Variants in ABHD14B observed in about 807,000 individuals in gnomAD.
The protein encoded by ABHD14B is putative protein-lysine deacylase ABHD14B.
In ABHD14B, 19 loss-of-function variants were observed where a neutral mutation model predicts 15.4. The observed-to-expected ratio is 1.23, with a 90% CI of 0.86 to 1.81. The LOEUF is 1.81. Among genes scored for constraint, ABHD14B ranks in the 40% most tolerant of loss-of-function variants. ABHD14B has a pLI of 0.00. For synonymous variants in ABHD14B, 92 were observed against 117.3 expected (o/e 0.78, Z 1.39); for missense variants, 243 against 267.0 (o/e 0.91, Z 0.63).
chr3:51,971,833 G>GC, intron 1 of ABHD14B, 135 bp from the exon 2 acceptor site: 1 of 1,394,768 alleles, frequency 7.2e-7, no homozygotes, highest in Non-Finnish European at 9.3e-7. Flanking sequence ...GAGGACATAG[G>GC]TGTTATTTCT....
In ABHD14B at chr3:51,969,542, T is replaced by A. The variant is rs761207927; in HGVS notation, c.517A>T (p.Lys173Ter). The A allele has an allele frequency of 5.6e-6, 9 of 1,613,782 alleles. No individual in the cohort carries two copies. The highest frequency in any genetic ancestry group is 7.6e-6 in the Non-Finnish European group (9 of 1,179,950). ...AGCACCCGGTGGTTGGGCAGCTGCT[T>A]CAGGTGCTCAAAGCTGGTCTGACCC... Reference protein sequence around the residue: ...PMGQTSFEHLKQLPNHRVLIM... With the variant: ...PMGQTSFEHL The change falls in exon 4 of 4, where the codon AAG (lysine) becomes TAG (stop). Residue 173 changes from lysine (K) to a stop codon, truncating the protein, a stop_gained. Transcript: ENST00000361143. LOFTEE classifies it high-confidence loss of function.
At chr3:51,973,239 A>C (rs1577711257) in intron 1 of ABHD14B, among the ~76,000 whole-genome samples, 1 of 147,808 alleles carries the variant, frequency 6.8e-6, no homozygotes, top group African/African-American at 2.5e-5. Context: ...TTTAGTACAG[A>C]CGGGGTTTCG....
Position 51,971,619 on chromosome 3 carries a change from C to A in ABHD14B, c.52G>T (p.Ala18Ser). The change falls in exon 2 of 4, where the codon GCC becomes TCC. Residue 18 changes from alanine to serine, a missense_variant. Ala to Ser is a moderately conservative substitution (Grantham distance 99). Transcript: ENST00000361143. The part of the protein sequence containing the change: ...REGTIQVQGQ[A>S]LFFREALPGS... The stretch of plus-strand genomic sequence containing the variant: ...GGCAGGGCCTCTCGGAAGAAGAGGG[C>A]CTGGCCCTGCACCTGGATGGTGCCC... 1 of 1,613,210 alleles carries A rather than the reference C, an allele frequency of 6.2e-7. No homozygotes were observed. The highest frequency in any genetic ancestry group is 2.2e-5 in the East Asian group (1 of 44,866).
chr3:51,973,545 T>A (rs1323932065), intron 1 of ABHD14B: 1 of 170,178 alleles, frequency 5.9e-6, no homozygotes, highest in Non-Finnish European at 1.3e-5. Context: ...AGAGAAGATG[T>A]CTCGCTCTGT....
chr3:51,969,471 C>G lies in ABHD14B; in HGVS notation c.588G>C (p.Glu196Asp). 2 of 1,613,920 alleles carry G rather than the reference C, an allele frequency of 1.2e-6. No individual in the cohort carries two copies. Among genetic ancestry groups the G allele is most frequent in the Middle Eastern group, 3.3e-4 (2 of 6,036 alleles). Residue 196 changes from glutamate to aspartate, a missense_variant, in exon 4 of 4, where the codon GAG (glutamate) becomes GAC (aspartate). Physicochemically the swap from Glu to Asp is conservative, Grantham distance 45. Transcript: ENST00000361143. ...AGHPCYLDKP[E>D]EWHTGLLDFL... ...AGTCCAGCAGCCCTGTATGCCACTCCTCTGGTTTGTCCAGGTAACAGGGGT... is the reference window on the plus strand; with the variant it reads ...AGTCCAGCAGCCCTGTATGCCACTCGTCTGGTTTGTCCAGGTAACAGGGGT...
At chr3:51,974,120 C>A, upstream of ABHD14B, 1 of 1,145,492 alleles carries the variant, frequency 8.7e-7, no homozygotes, top group Admixed American at 2.6e-5. Flanking sequence ...CACAAGCTCG[C>A]AGCGTCCATA....
upstream of ABHD14B, chr3:51,974,070 G>A (rs1366655852): frequency 1.6e-6 from 2 of 1,285,486 alleles, no homozygotes; most frequent in Non-Finnish European, 1.0e-6. Context: ...ATCCAGCGGG[G>A]GCGGGGACTG....
At chr3:51,974,265 G>A (rs533999261), upstream of ABHD14B, 100 of 350,924 alleles carry the variant, frequency 2.8e-4, no homozygotes, top group African/African-American at 2.1e-3. Context: ...GCAGTCTGAG[G>A]AGGAAAGTTC....
At chr3:51,969,837 T>C in intron 3 of ABHD14B, 106 bp downstream of exon 3, 2 of 1,594,158 alleles carry the variant, frequency 1.3e-6, no homozygotes, top group Non-Finnish European at 1.7e-6. Context: ...GGTCAGCTCC[T>C]CCCAGAAGAC....
Position 51,970,105 on chromosome 3 carries a change from C to T in ABHD14B, c.291G>A (p.Val97=), listed in dbSNP as rs1193701763. The change falls in exon 3 of 4, where the codon GTG becomes GTA. Residue 97 remains valine (V), a synonymous_variant. Coordinates refer to ENST00000361143, the MANE Select transcript of ABHD14B (RefSeq NM_001146314.2). ...LAPGSFLAAV[V]DALELGPPVV... ...CCGGGGGGCCCAGCTCCAAGGCATC[C>T]ACCACAGCCGCCAGGAAGCTGCCAG... 2.5e-6 allele frequency: 4 copies of T among 1,589,850 alleles called. No individual in the cohort carries two copies. The highest frequency in any genetic ancestry group is 2.2e-5 in the East Asian group (1 of 44,704).
In ABHD14B at chr3:51,971,575, G is replaced by T; in HGVS notation, c.96C>A (p.Arg32=). Residue 32 remains arginine, a synonymous_variant, in exon 2 of 4, where the codon CGC becomes CGA. Transcript: ENST00000361143. ...TACCATGCAGCAGCAGTACAGAGAA[G>T]CGAGCCTGCCCACTGCCGGGCAGGG... ...REALPGSGQA[R]FSVLLLHGIR... 3.7e-6 allele frequency: 6 copies of T among 1,613,640 alleles called. No homozygotes were observed. Among genetic ancestry groups the T allele is most frequent in the Non-Finnish European group, 1.7e-6 (2 of 1,179,972 alleles).
In ABHD14B at chr3:51,969,503, C is replaced by T. The variant is rs774537719; in HGVS notation, c.556G>A (p.Ala186Thr). 2.5e-6 allele frequency: 4 copies of T among 1,614,000 alleles called. No individual in the cohort carries two copies. The highest frequency in any genetic ancestry group is 3.4e-6 in the Non-Finnish European group (4 of 1,180,004). ...TTGTCCAGGTAACAGGGGTGCCCCG[C>T]CCCCTTCATGATCAGCACCCGGTGG... Reference protein sequence around the residue: ...PNHRVLIMKGAGHPCYLDKPE... With the variant: ...PNHRVLIMKGTGHPCYLDKPE... Residue 186 changes from alanine (A) to threonine (T), a missense_variant, in exon 4 of 4, where the codon GCG becomes ACG. Transcript: ENST00000361143.
chr3:51,969,755 G>T, intron 3 of ABHD14B, 150 bp from the exon 4 acceptor site: 1 of 1,390,066 alleles, frequency 7.2e-7, no homozygotes. Flanking sequence ...ATTGGTGTCT[G>T]CCCCAGAACA....
At chr3:51,973,201 C>T (rs1426894599) in intron 1 of ABHD14B, among the ~76,000 whole-genome samples, 7 of 151,576 alleles carry the variant, frequency 4.6e-5, no homozygotes, top group Non-Finnish European at 1.0e-4. Context: ...CGCGCCACCA[C>T]GCCCGGCTAA....
chr3:51,973,983 T>C lies in ABHD14B; in HGVS notation c.-47A>G, dbSNP rs766906299. The C allele has an allele frequency of 4.3e-5, 55 of 1,289,436 alleles. No individual in the cohort carries two copies. The highest frequency in any genetic ancestry group is 5.4e-5 in the Non-Finnish European group (53 of 988,834). 79.9% of individuals were successfully genotyped at this position (1,289,436 alleles called of 1,614,324 possible). A position where few individuals can be genotyped will look rare whatever the true frequency, so the allele number is the denominator to read the frequency against. ...CGGGTACCTGGGGAGCTGCGTGGAC[T>C]CGCGCAGACGGGAAGCAGGCGCGTG... On this transcript the variant is annotated 5_prime_UTR_variant, in exon 1 of 4. Transcript: ENST00000361143.
rs1700610277 is a variant in ABHD14B, at chr3:51,969,495, G to A, written c.564C>T (p.His188=). 1 of 1,613,964 alleles carries A rather than the reference G, an allele frequency of 6.2e-7. No homozygotes were observed. The highest frequency in any genetic ancestry group is 8.5e-7 in the Non-Finnish European group (1 of 1,179,992). ...CCTCTGGTTTGTCCAGGTAACAGGG[G>A]TGCCCCGCCCCCTTCATGATCAGCA... ...HRVLIMKGAG[H]PCYLDKPEEW... The change falls in exon 4 of 4, where the codon CAC becomes CAT. Residue 188 remains histidine, a synonymous_variant. Coordinates refer to ENST00000361143, the MANE Select transcript of ABHD14B (RefSeq NM_001146314.2).
intron 1 of ABHD14B, chr3:51,971,986 T>A: frequency 2.7e-6 from 1 of 371,728 alleles, no homozygotes. Context: ...GGCTCACGCC[T>A]GTAATCCCAG....
chr3:51,973,903 G>A lies in ABHD14B; in HGVS notation c.-29+62C>T, dbSNP rs1299174664. ...CCAGGGATCCGAGAAAGGAAGACTT[G>A]GGGTAGGTGGGGTTGGATTTTGACT... is the stretch of plus-strand genomic sequence containing the variant. On this transcript the variant is annotated intron_variant, in intron 1 of 3. Transcript: ENST00000361143. The A allele has an allele frequency of 1.2e-5, 15 of 1,289,806 alleles. No individual in the cohort carries two copies. The South Asian group carries it at 1.9e-4, about 16-fold the overall frequency. The allele number at this position is 1,289,806 out of a possible 1,614,324, so 79.9% of individuals were successfully genotyped here. A position where few individuals can be genotyped will look rare whatever the true frequency, so the allele number is the denominator to read the frequency against.
Position 51,969,249 on chromosome 3 carries a change from A to G in ABHD14B, c.*177T>C. 2 of 647,760 alleles carry G rather than the reference A, an allele frequency of 3.1e-6. No homozygotes were observed. The highest frequency in any genetic ancestry group is 4.8e-5 in the South Asian group (2 of 41,968). The allele number at this position is 647,760 out of a possible 1,614,324, so 40.1% of individuals were successfully genotyped here. On this transcript the variant is annotated 3_prime_UTR_variant, in exon 4 of 4. Coordinates refer to ENST00000361143, the MANE Select transcript of ABHD14B (RefSeq NM_001146314.2). ...TCTCTTGATTTTACCCCCTCAGTCT[A>G]TCACTGCAAGAGAAAGAGGTAGAAA...
Sources: gnomAD v4.1 joint callset for allele counts (sites outside exome capture counted in the v4.1 genomes callset) on GRCh38, gnomAD v4.1.1 for gene constraint, MANE v1.5 for transcripts, NCBI Gene and HGNC (gene_info 2026-07-23, HGNC 2026-07-21) for gene names.